The following LARP1 variants were observed in gnomAD, a reference collection of about 807,000 sequenced individuals.
LARP1 encodes the protein la-related protein 1.
In LARP1, 36 loss-of-function variants were observed where a neutral mutation model predicts 122.7. The observed-to-expected ratio is 0.29, with a 90% CI of 0.22 to 0.39. The LOEUF (loss-of-function observed/expected upper bound fraction) is 0.39. Among genes scored for constraint, LARP1 ranks in the 10% least tolerant of loss-of-function variants. LARP1 has a pLI of 1.00. For synonymous variants in LARP1, 539 were observed against 528.7 expected, an observed-to-expected ratio of 1.02 and a Z score of -0.27; for missense variants, 1,040 against 1,403.6, an observed-to-expected ratio of 0.74 and a Z score of 4.14.
intron 1 of LARP1, among the ~76,000 whole-genome samples, chr5:154,724,215 AG>A (rs1214089300): frequency 6.6e-6 from 1 of 152,216 alleles, no homozygotes; most frequent in Non-Finnish European, 1.5e-5. Flanking sequence ...TCCTATTTAC[AG>A]ATCCAGTTAC....
At chr5:154,776,216 TG>T (rs1755871114) in intron 1 of LARP1, among the ~76,000 whole-genome samples, 1 of 152,202 alleles carries the variant, frequency 6.6e-6, no homozygotes, top group South Asian at 2.1e-4. Context: ...TAAGAGAAGC[TG>T]TTCGGCTGTG....
intron 17 of LARP1, 56 bp from the exon 18 acceptor site, chr5:154,811,457 C>G: frequency 6.2e-7 from 1 of 1,612,774 alleles, no homozygotes; most frequent in Non-Finnish European, 8.5e-7. Flanking sequence ...ACCTCCCTCT[C>G]TCCTCTGAGC....
In LARP1 at chr5:154,817,448, G is replaced by A. The variant is rs1276319831; in HGVS notation, c.*3352G>A. The A allele has an allele frequency of 6.6e-6, 1 of 152,612 alleles. No homozygotes were observed. Among genetic ancestry groups the A allele is most frequent in the African/African-American group, 2.4e-5 (1 of 41,444 alleles). 9.5% of individuals were successfully genotyped at this position (152,612 alleles called of 1,614,324 possible). On this transcript the variant is annotated 3_prime_UTR_variant, in exon 19 of 19. Coordinates refer to ENST00000518297, the MANE Select transcript of LARP1 (RefSeq NM_033551.3). ...AAATGTAAAATACTTGAATGAGCTT[G>A]TATTATAACATTAATATTATTGAGA... is the stretch of plus-strand genomic sequence containing the variant.
In LARP1 at chr5:154,755,855, C is replaced by A; in HGVS notation, c.98C>A (p.Pro33His). 1 of 1,006,716 alleles carries A rather than the reference C, an allele frequency of 9.9e-7. No homozygotes were observed. Among genetic ancestry groups the A allele is most frequent in the South Asian group, 3.7e-5 (1 of 27,384 alleles). 62.4% of individuals were successfully genotyped at this position (1,006,716 alleles called of 1,614,324 possible). A position where few individuals can be genotyped will look rare whatever the true frequency, so the allele number is the denominator to read the frequency against. Residue 33 changes from proline to histidine, a missense_variant, in exon 1 of 19, where the codon CCC becomes CAC. Pro to His is a moderately conservative substitution (Grantham distance 77). Around this residue, in one of 8 missense-constraint regions of LARP1, gnomAD observed 257 missense variants for 273.3 expected, o/e 0.94. Coordinates refer to ENST00000518297, the MANE Select transcript of LARP1 (RefSeq NM_033551.3). Reference sequence around the variant, plus strand: ...GTGAGGAAGAAGCCGCCGCCGGCGCCCGAGGGCAAGGGCGAGCCCGGGCCA... The same window carrying A: ...GTGAGGAAGAAGCCGCCGCCGGCGCACGAGGGCAAGGGCGAGCCCGGGCCA... ...GLVRKKPPPA[P>H]EGKGEPGPND... is the part of the protein sequence containing the mutation.
chr5:154,756,271 G>T, intron 1 of LARP1, 78 bp downstream of exon 1: 1 of 1,050,890 alleles, frequency 9.5e-7, no homozygotes, highest in Non-Finnish European at 1.2e-6. Context: ...AGCACCTCCA[G>T]GGCCCCGGGG....
rs1758982169 is a variant in LARP1 at position 154,808,533 on chromosome 5, G to T, written c.2773G>T (p.Asp925Tyr). The change falls in exon 16 of 19, where the codon GAT becomes TAT. Residue 925 changes from aspartate (D) to tyrosine (Y), a missense_variant. Transcript: ENST00000518297. ...CCGCTTCTGGTCCTTCTTCCTCCGA[G>T]ATCACTTCAACAAAAAGATGTATGA... ...LFRFWSFFLR[D>Y]HFNKKMYEEF... is the part of the protein sequence containing the mutation. The T allele has an allele frequency of 6.2e-7, 1 of 1,614,024 alleles. No homozygotes were observed. The highest frequency in any genetic ancestry group is 2.2e-5 in the East Asian group (1 of 44,878).
intron 1 of LARP1, among the ~76,000 whole-genome samples, chr5:154,773,429 C>T (rs1755605353): frequency 6.6e-6 from 1 of 151,964 alleles, no homozygotes; most frequent in Non-Finnish European, 1.5e-5. Flanking sequence ...CCAGCTGCTA[C>T]CTGTGAGCCC....
Position 154,800,075 on chromosome 5 carries a change from A to G in LARP1, c.1716+33A>G, listed in dbSNP as rs762968589. 1.9e-6 allele frequency: 3 copies of G among 1,602,688 alleles called. No homozygotes were observed. The South Asian group carries it at 3.3e-5, about 18-fold the overall frequency. ...AGGCCTTGTCCCTTGCCTTGGTTCTAGCACTCTGAGCTAGGGTGCTTGAAG... is the reference window on the plus strand; with the variant it reads ...AGGCCTTGTCCCTTGCCTTGGTTCTGGCACTCTGAGCTAGGGTGCTTGAAG... On this transcript the variant is annotated intron_variant, in intron 10 of 18. Coordinates refer to ENST00000518297, the MANE Select transcript of LARP1 (RefSeq NM_033551.3).
chr5:154,770,462 A>G (rs1198562648), intron 1 of LARP1, among the ~76,000 whole-genome samples: 2 of 151,734 alleles, frequency 1.3e-5, no homozygotes, highest in Admixed American at 1.3e-4. Context: ...TGCCTAGGCT[A>G]CCTCTCCCGG....
At chr5:154,715,662 G>A (rs1207526602) in intron 1 of LARP1, among the ~76,000 whole-genome samples, 1 of 152,146 alleles carries the variant, frequency 6.6e-6, no homozygotes, top group African/African-American at 2.4e-5. Flanking sequence ...AATGCGGGGT[G>A]TGTGCGAATA....
chr5:154,757,717 G>A lies in LARP1; in HGVS notation c.436+1524G>A, dbSNP rs550225657. Among the ~76,000 whole-genome samples, 5 of 151,944 alleles carry A rather than the reference G, an allele frequency of 3.3e-5. No individual in the cohort carries two copies. In the East Asian group the frequency reaches 9.7e-4, roughly 29 times the overall value. ...TGTTGCAATTTTTATTTCTTTTCAG[G>A]TTGCTTCATTTGGAGGAGGGGACAT... On this transcript the variant is annotated intron_variant, in intron 1 of 18. Coordinates refer to ENST00000518297, the MANE Select transcript of LARP1 (RefSeq NM_033551.3).
intron 1 of LARP1, among the ~76,000 whole-genome samples, chr5:154,737,436 CTTTTTTT>C (rs10526758): frequency 3.5e-4 from 33 of 95,298 alleles, no homozygotes; most frequent in African/African-American, 6.2e-4. Flanking sequence ...GAATTTTTCT[CTTTTTTT>C]TTTTTTTTTT....
chr5:154,700,195 A>G (rs1454540216), intron 1 of LARP1, among the ~76,000 whole-genome samples: 1 of 152,194 alleles, frequency 6.6e-6, no homozygotes, highest in African/African-American at 2.4e-5. Context: ...AAATTAATGC[A>G]AAAAGGTATG....
intron 1 of LARP1, among the ~76,000 whole-genome samples, chr5:154,684,217 A>ATAAT (rs758116262): frequency 2.2e-4 from 33 of 152,230 alleles, no homozygotes; most frequent in Admixed American, 5.2e-4. Context: ...CCAAGGCAGG[A>ATAAT]TAATTGCTTG....
intron 8 of LARP1, among the ~76,000 whole-genome samples, chr5:154,798,674 T>C (rs1230599052): frequency 3.9e-5 from 6 of 152,144 alleles, no homozygotes; most frequent in African/African-American, 1.4e-4. Flanking sequence ...TTTTACGATT[T>C]GTAGTGATAG....
At chr5:154,785,014 CTT>C (rs1756769886) in intron 1 of LARP1, among the ~76,000 whole-genome samples, 1 of 152,232 alleles carries the variant, frequency 6.6e-6, no homozygotes, top group Non-Finnish European at 1.5e-5. Flanking sequence ...AAAGGGAACT[CTT>C]GTCAGCCTTC....
intron 1 of LARP1, among the ~76,000 whole-genome samples, chr5:154,735,619 A>G (rs759149344): frequency 6.7e-6 from 1 of 148,684 alleles, no homozygotes; most frequent in Non-Finnish European, 1.5e-5. Flanking sequence ...TCCAGGCTGG[A>G]TTGTAGTGGC....
chr5:154,755,369 C>A (rs1391084535), upstream of LARP1, among the ~76,000 whole-genome samples: 1 of 151,052 alleles, frequency 6.6e-6, no homozygotes, highest in Non-Finnish European at 1.5e-5. Context: ...CGCGCCTCTC[C>A]CCCGTCCGTC....
At chr5:154,794,071 C>T (rs1381848962) in intron 6 of LARP1, 29 bp from the exon 7 acceptor site, 2 of 1,613,130 alleles carry the variant, frequency 1.2e-6, no homozygotes, top group Admixed American at 1.7e-5. Context: ...GGAATCTCCT[C>T]TCCCTCATGG....
Sources: allele counts gnomAD v4.1 joint callset (sites outside exome capture counted in the v4.1 genomes callset), GRCh38; gene constraint gnomAD v4.1.1; regional missense constraint gnomAD v4.1.1; transcripts MANE v1.5; gene names NCBI Gene and HGNC (gene_info 2026-07-23, HGNC 2026-07-21).